Variants in ARK2N observed in about 807,000 individuals in gnomAD.
The protein encoded by ARK2N is protein ARK2N.
chr18:46,239,166 A>G, the ARK2N span, among the ~76,000 whole-genome samples: 1 of 152,208 alleles, frequency 6.6e-6, no homozygotes, highest in Non-Finnish European at 1.5e-5. Flanking sequence ...TTATTTTAGC[A>G]TGAATTGCTG....
At chr18:46,265,079 C>A in the ARK2N span, 9 of 152,522 alleles carry the variant, frequency 5.9e-5, no homozygotes, top group African/African-American at 2.2e-4. Flanking sequence ...ATCCTTGGAC[C>A]TTCACATTTT....
At chr18:46,185,929 GT>G in the ARK2N span, among the ~76,000 whole-genome samples, 2 of 152,278 alleles carry the variant, frequency 1.3e-5, no homozygotes, top group South Asian at 4.1e-4. Context: ...GGAGGTTTCT[GT>G]GAGCTGAGAT....
the ARK2N span, among the ~76,000 whole-genome samples, chr18:46,261,160 T>C: frequency 1.3e-5 from 2 of 152,240 alleles, no homozygotes; most frequent in African/African-American, 4.8e-5. Context: ...TTTATACTTC[T>C]AAATTGTTAG....
the ARK2N span, among the ~76,000 whole-genome samples, chr18:46,235,892 T>A: frequency 8.1e-6 from 1 of 124,018 alleles, no homozygotes; most frequent in East Asian, 2.2e-4. Flanking sequence ...TCTAATGAGA[T>A]TTAGAACATA....
chr18:46,176,217 A>T, the ARK2N span, among the ~76,000 whole-genome samples: 1 of 152,220 alleles, frequency 6.6e-6, no homozygotes, highest in Admixed American at 6.5e-5. Context: ...TGGGATTCCC[A>T]ATCTTACAGC....
the ARK2N span, among the ~76,000 whole-genome samples, chr18:46,174,813 G>A: frequency 1.3e-5 from 2 of 152,226 alleles, no homozygotes; most frequent in East Asian, 1.9e-4. Flanking sequence ...GAGAGTAGGG[G>A]GTCTGGCGCC....
the ARK2N span, among the ~76,000 whole-genome samples, chr18:46,237,490 T>A: frequency 6.6e-6 from 1 of 150,922 alleles, no homozygotes; most frequent in African/African-American, 2.4e-5. Flanking sequence ...CAGGTTCAAG[T>A]GATTCTCGTG....
At chr18:46,210,599 A>G in the ARK2N span, among the ~76,000 whole-genome samples, 1 of 152,060 alleles carries the variant, frequency 6.6e-6, no homozygotes, top group Non-Finnish European at 1.5e-5. Context: ...ATGGTATTGG[A>G]AAATGTGGGT....
chr18:46,251,634 A>G, the ARK2N span, among the ~76,000 whole-genome samples: 1 of 152,188 alleles, frequency 6.6e-6, no homozygotes, highest in South Asian at 2.1e-4. Context: ...TTCAAACTTG[A>G]TTATTTTTCA....
the ARK2N span, chr18:46,215,970 G>T: frequency 1.9e-6 from 3 of 1,614,134 alleles, no homozygotes; most frequent in Non-Finnish European, 2.5e-6. Flanking sequence ...CAGCCAAGGA[G>T]GAAGATGGAT....
At chr18:46,189,212 C>CAAA in the ARK2N span, among the ~76,000 whole-genome samples, 9 of 86,862 alleles carry the variant, frequency 1.0e-4, no homozygotes, top group African/African-American at 2.9e-4. Flanking sequence ...GAGACTGTCT[C>CAAA]AAAAAAAAAA....
the ARK2N span, among the ~76,000 whole-genome samples, chr18:46,184,859 T>C: frequency 2.3e-4 from 35 of 152,222 alleles, no homozygotes; most frequent in Non-Finnish European, 4.4e-5. Flanking sequence ...CTACCTCATT[T>C]TGTGGTTATG....
At chr18:46,192,620 G>A in the ARK2N span, among the ~76,000 whole-genome samples, 4 of 150,074 alleles carry the variant, frequency 2.7e-5, no homozygotes, top group African/African-American at 7.3e-5. Flanking sequence ...CGCCCACGCC[G>A]GAGTGATGTG....
At chr18:46,189,255 T>A in the ARK2N span, among the ~76,000 whole-genome samples, 1 of 149,592 alleles carries the variant, frequency 6.7e-6, no homozygotes, top group Admixed American at 6.7e-5. Flanking sequence ...TTTATTCTAA[T>A]TGGAAGGAAA....
the ARK2N span, among the ~76,000 whole-genome samples, chr18:46,192,870 G>C: frequency 8.9e-6 from 1 of 112,008 alleles, no homozygotes; most frequent in East Asian, 2.5e-4. Context: ...GCTACGCCCG[G>C]CTGAGACTGT....
the ARK2N span, among the ~76,000 whole-genome samples, chr18:46,193,359 G>A: frequency 1.3e-5 from 2 of 150,830 alleles, no homozygotes; most frequent in Admixed American, 1.3e-4. Flanking sequence ...GCATGATCTC[G>A]GCTCACGGCA....
the ARK2N span, chr18:46,216,273 G>A: frequency 6.2e-7 from 1 of 1,613,978 alleles, no homozygotes; most frequent in Non-Finnish European, 8.5e-7. The surrounding 1 kb of genome is among the most constrained non-coding windows in gnomAD (Gnocchi z 4.3). Flanking sequence ...CTTCAGGAGT[G>A]TCTGGTGCCA....
the ARK2N span, among the ~76,000 whole-genome samples, chr18:46,234,596 A>G: frequency 6.6e-6 from 1 of 151,634 alleles, no homozygotes; most frequent in Non-Finnish European, 1.5e-5. Context: ...TTAAAATGCA[A>G]ATTTCCTTCT....
At chr18:46,174,557 G>C in the ARK2N span, among the ~76,000 whole-genome samples, 1 of 152,176 alleles carries the variant, frequency 6.6e-6, no homozygotes, top group African/African-American at 2.4e-5. Context: ...CGACCTCCTT[G>C]CTCGTCCGCC....
Sources: allele counts gnomAD v4.1 joint callset (sites outside exome capture counted in the v4.1 genomes callset), GRCh38; gene constraint gnomAD v4.1.1; non-coding constraint Gnocchi (gnomAD v3.1); transcripts MANE v1.5; gene names NCBI Gene and HGNC (gene_info 2026-07-23, HGNC 2026-07-21).